Variants in NECTIN1 observed in about 807,000 individuals in gnomAD.
The protein encoded by NECTIN1 is nectin cell adhesion molecule 1.
A neutral mutation model predicts 48.0 loss-of-function variants in NECTIN1; 23 were observed. That is an observed-to-expected ratio of 0.48 (90% CI 0.34 to 0.68). The LOEUF (loss-of-function observed/expected upper bound fraction) is 0.68. Among genes scored for constraint, NECTIN1 ranks in the 30% least tolerant of loss-of-function variants. The pLI is 0.01. For synonymous variants in NECTIN1, 270 were observed against 288.9 expected (o/e 0.93, Z 0.66); for missense variants, 591 against 709.9 (o/e 0.83, Z 1.90).
In NECTIN1 at chr11:119,728,859, G is replaced by A. The variant is rs1174933260; in HGVS notation, c.-306C>T. 3.4e-6 allele frequency: 1 copy of A among 297,998 alleles called. No homozygotes were observed. Among genetic ancestry groups the A allele is most frequent in the African/African-American group, 2.2e-5 (1 of 45,850 alleles). The allele number at this position is 297,998 out of a possible 1,614,324, so 18.5% of individuals were successfully genotyped here. On this transcript the variant is annotated 5_prime_UTR_variant, in exon 1 of 6. Coordinates refer to ENST00000264025, the MANE Select transcript of NECTIN1 (RefSeq NM_002855.5). ...CGCCCTCTTCTTCCACGCAGAGCGG[G>A]GCTGGGGAGAGGGACCCACCCCCGG... is the stretch of plus-strand genomic sequence containing the variant.
Position 119,677,519 on chromosome 11 carries a change from C to A in NECTIN1, c.733+36G>T. The A allele has an allele frequency of 6.2e-7, 1 of 1,609,716 alleles. No homozygotes were observed. Among genetic ancestry groups the A allele is most frequent in the South Asian group, 1.1e-5 (1 of 90,914 alleles). On this transcript the variant is annotated intron_variant, in intron 3 of 5. Transcript: ENST00000264025. This position sits in a 1 kb window ranked among gnomAD's most constrained non-coding sequence, Gnocchi z 5.4. ...AGGAGGGAGGAGGGACAGTGGCGCCCACCCCAGGAGGCCCCTGGCAGCCAG... is the reference window on the plus strand; with the variant it reads ...AGGAGGGAGGAGGGACAGTGGCGCCAACCCCAGGAGGCCCCTGGCAGCCAG...
At chr11:119,698,646 C>T (rs1481818228) in intron 1 of NECTIN1, among the ~76,000 whole-genome samples, 1 of 152,198 alleles carries the variant, frequency 6.6e-6, no homozygotes, top group Non-Finnish European at 1.5e-5. Context: ...TGGCAAGTTG[C>T]CTTACCCTGT....
chr11:119,722,036 C>T (rs1298237031), intron 1 of NECTIN1, among the ~76,000 whole-genome samples: 1 of 152,240 alleles, frequency 6.6e-6, no homozygotes, highest in East Asian at 1.9e-4. Context: ...TAACATCCTA[C>T]TGGCCTGGTT....
At chr11:119,712,415 C>T (rs1865667913) in intron 1 of NECTIN1, among the ~76,000 whole-genome samples, 1 of 149,372 alleles carries the variant, frequency 6.7e-6, no homozygotes, top group African/African-American at 2.4e-5. Flanking sequence ...TCTCTGGGGG[C>T]TTTGTGCAAA....
chr11:119,661,847 C>CGT lies in NECTIN1; in HGVS notation c.*2898_*2899dup, dbSNP rs1184797197. The CGT allele has an allele frequency of 2.0e-6, 2 of 985,132 alleles. No individual in the cohort carries two copies. The highest frequency in any genetic ancestry group is 2.3e-4 in the East Asian group (2 of 8,792). 61.0% of individuals were successfully genotyped at this position (985,132 alleles called of 1,614,324 possible). The stretch of plus-strand genomic sequence containing the variant: ...CTGTGCATGCATGCGTGTGTACATG[C>CGT]GTGTACACATGCCTGCGCGTGGGTG... On this transcript the variant is annotated 3_prime_UTR_variant, in exon 6 of 6. Transcript: ENST00000264025.
In NECTIN1 at chr11:119,699,551, G is replaced by A. The variant is rs568417400; in HGVS notation, c.80-20786C>T. On this transcript the variant is annotated intron_variant, in intron 1 of 5. Coordinates refer to ENST00000264025, the MANE Select transcript of NECTIN1 (RefSeq NM_002855.5). ...GCCCCTCTGGCGGGCAGGCACGGCT[G>A]GGCCTCGAGGCCTGGCTGGAGTCAC... 6.6e-5 allele frequency among the ~76,000 whole-genome samples: 10 copies of A among 152,378 alleles called. No homozygotes were observed. In the South Asian group the frequency reaches 1.7e-3, roughly 25 times the overall value.
At chr11:119,699,614 C>T (rs1279877146) in intron 1 of NECTIN1, among the ~76,000 whole-genome samples, 1 of 152,210 alleles carries the variant, frequency 6.6e-6, no homozygotes, top group Admixed American at 6.5e-5. Context: ...ATGCCTGCTC[C>T]CTCATCACAC....
intron 1 of NECTIN1, among the ~76,000 whole-genome samples, chr11:119,702,049 C>T (rs899547743): frequency 4.6e-5 from 7 of 152,190 alleles, no homozygotes; most frequent in Admixed American, 6.5e-5. Context: ...TAATGAAGTC[C>T]GATGGCAGGG....
chr11:119,658,237 G>A (rs115406949), downstream of NECTIN1, among the ~76,000 whole-genome samples: 1,362 of 152,228 alleles, frequency 8.9e-3, 19 homozygotes, highest in African/African-American at 0.031. Context: ...TGTGTGCTGT[G>A]GGAGGTATGC....
In NECTIN1 at chr11:119,684,920, T is replaced by C. The variant is rs1295430821; in HGVS notation, c.80-6155A>G. On this transcript the variant is annotated intron_variant, in intron 1 of 5. Transcript: ENST00000264025. The surrounding 1 kb of genome is among the most constrained non-coding windows in gnomAD (Gnocchi z 5.2). Reference sequence around the variant, plus strand: ...TCATTTCCCCATTAGTCCAGGAGATTCACGGGTGCCCAGGCTGCCCCCTCC... The same window carrying C: ...TCATTTCCCCATTAGTCCAGGAGATCCACGGGTGCCCAGGCTGCCCCCTCC... Among the ~76,000 whole-genome samples, 1 of 152,174 alleles carries C rather than the reference T, an allele frequency of 6.6e-6. No individual in the cohort carries two copies. The highest frequency in any genetic ancestry group is 1.5e-5 in the Non-Finnish European group (1 of 68,022).
At chr11:119,674,724 C>A in intron 5 of NECTIN1, 2 of 1,613,790 alleles carry the variant, frequency 1.2e-6, no homozygotes, top group Non-Finnish European at 1.7e-6. Flanking sequence ...CTCCAGTCTC[C>A]CTGCTTGAGG....
chr11:119,692,526 G>A (rs1234600577), intron 1 of NECTIN1, among the ~76,000 whole-genome samples: 1 of 152,202 alleles, frequency 6.6e-6, no homozygotes, highest in Non-Finnish European at 1.5e-5. Context: ...AGCAGAAGCT[G>A]GGGCTCAAGT....
chr11:119,662,428 T>C lies in NECTIN1; in HGVS notation c.*2319A>G. ...AGTCAGGAGCCTCCTACGTGGCCCATGCTACATGGACCCCAAAATTTGTGC... is the reference window on the plus strand; with the variant it reads ...AGTCAGGAGCCTCCTACGTGGCCCACGCTACATGGACCCCAAAATTTGTGC... On this transcript the variant is annotated 3_prime_UTR_variant, in exon 6 of 6. Coordinates refer to ENST00000264025, the MANE Select transcript of NECTIN1 (RefSeq NM_002855.5). This position sits in a 1 kb window ranked among gnomAD's most constrained non-coding sequence, Gnocchi z 5.3. 6.1e-6 allele frequency: 6 copies of C among 985,714 alleles called. No homozygotes were observed. Among genetic ancestry groups the C allele is most frequent in the Non-Finnish European group, 7.2e-6 (6 of 829,930 alleles). 61.1% of individuals were successfully genotyped at this position (985,714 alleles called of 1,614,324 possible). A position where few individuals can be genotyped will look rare whatever the true frequency, so the allele number is the denominator to read the frequency against.
rs1864963017 is a variant in NECTIN1, at chr11:119,677,033, G to A, written c.851+69C>T. On this transcript the variant is annotated intron_variant, in intron 4 of 5. Coordinates refer to ENST00000264025, the MANE Select transcript of NECTIN1 (RefSeq NM_002855.5). This position sits in a 1 kb window ranked among gnomAD's most constrained non-coding sequence, Gnocchi z 5.4. ...CCTAAAGGCTCCTGGAGGTAGGATG[G>A]TTGCCCCTCATCACCCGTGGTCCAG... 1.5e-6 allele frequency: 2 copies of A among 1,349,272 alleles called. No individual in the cohort carries two copies. The highest frequency in any genetic ancestry group is 1.4e-5 in the African/African-American group (1 of 69,624). The allele number at this position is 1,349,272 out of a possible 1,614,324, so 83.6% of individuals were successfully genotyped here.
intron 1 of NECTIN1, among the ~76,000 whole-genome samples, chr11:119,707,687 T>A (rs1865572150): frequency 6.6e-6 from 1 of 152,234 alleles, no homozygotes; most frequent in Non-Finnish European, 1.5e-5. Flanking sequence ...GTTCTTCCCC[T>A]TGCTTTTATT....
chr11:119,715,945 A>C (rs1865736863), intron 1 of NECTIN1, among the ~76,000 whole-genome samples: 1 of 151,918 alleles, frequency 6.6e-6, no homozygotes, highest in Non-Finnish European at 1.5e-5. Flanking sequence ...TACAGCTCCC[A>C]CCTCTGTGCC....
chr11:119,668,446 C>T (rs1864812079), intron 5 of NECTIN1, among the ~76,000 whole-genome samples: 1 of 152,208 alleles, frequency 6.6e-6, no homozygotes, highest in Non-Finnish European at 1.5e-5. Context: ...TCAAAGCTTC[C>T]ATCATGCAAC....
intron 1 of NECTIN1, among the ~76,000 whole-genome samples, chr11:119,704,054 C>T (rs1865502083): frequency 6.6e-6 from 1 of 152,160 alleles, no homozygotes; most frequent in Non-Finnish European, 1.5e-5. Flanking sequence ...CCCAGCTTTA[C>T]CCAGGAACAC....
In NECTIN1 at chr11:119,664,002, A is replaced by G. The variant is rs1389834866; in HGVS notation, c.*745T>C. ...GAGGCAGAGAGCAAGTGTGGGCTGGAGCCCACCTGGAGCCCCTAATGGAGG... is the reference window on the plus strand; with the variant it reads ...GAGGCAGAGAGCAAGTGTGGGCTGGGGCCCACCTGGAGCCCCTAATGGAGG... On this transcript the variant is annotated 3_prime_UTR_variant, in exon 6 of 6. Coordinates refer to ENST00000264025, the MANE Select transcript of NECTIN1 (RefSeq NM_002855.5). 2.0e-6 allele frequency: 2 copies of G among 985,848 alleles called. No individual in the cohort carries two copies. Among genetic ancestry groups the G allele is most frequent in the Non-Finnish European group, 2.4e-6 (2 of 830,486 alleles). 61.1% of individuals were successfully genotyped at this position (985,848 alleles called of 1,614,324 possible).
Sources: allele counts gnomAD v4.1 joint callset (sites outside exome capture counted in the v4.1 genomes callset), GRCh38; gene constraint gnomAD v4.1.1; non-coding constraint Gnocchi (gnomAD v3.1); transcripts MANE v1.5; gene names NCBI Gene and HGNC (gene_info 2026-07-23, HGNC 2026-07-21).